ADAM22: variants seen among roughly 807,000 people sequenced by gnomAD.
ADAM22 encodes the protein disintegrin and metalloproteinase domain-containing protein 22.
Under a neutral mutation model 144.6 loss-of-function variants are expected in ADAM22, and 65 were observed. The observed-to-expected ratio is 0.45, with a 90% CI of 0.37 to 0.55. ADAM22 has a LOEUF of 0.55. ADAM22 is among the 20% of genes least tolerant of loss of function. The pLI is 0.00. For missense variants in ADAM22, 974 were observed against 1,184.9 expected, an observed-to-expected ratio of 0.82 and a Z score of 2.61; for synonymous variants, 391 against 412.6, an observed-to-expected ratio of 0.95 and a Z score of 0.63.
rs1055425999 is a variant in ADAM22 at position 88,023,592 on chromosome 7, G to A, written c.323+45180G>A. ...GAGCCACCACACCTGGCTAATTTTT[G>A]CATTTTTAGTAGAGACTGGGTTTTG... On this transcript the variant is annotated intron_variant, in intron 3 of 31. Coordinates refer to ENST00000413139, the MANE Select transcript of ADAM22 (RefSeq NM_001324418.2). Among the ~76,000 whole-genome samples the A allele has an allele frequency of 6.6e-5, 10 of 151,904 alleles. No homozygotes were observed. The East Asian group carries it at 1.7e-3, about 26-fold the overall frequency.
intron 11 of ADAM22, 26 bp from the exon 12 acceptor site, chr7:88,132,841 G>A: frequency 1.3e-6 from 2 of 1,598,560 alleles, no homozygotes; most frequent in East Asian, 2.2e-5. Flanking sequence ...TGAACAGTAA[G>A]CATTTTTCAT....
At chr7:87,940,900 C>T (rs138113546) in intron 2 of ADAM22, among the ~76,000 whole-genome samples, 188 of 152,272 alleles carry the variant, frequency 1.2e-3, no homozygotes, top group African/African-American at 4.4e-3. Context: ...CAAGATATCA[C>T]CTACTGAGTC....
At chr7:87,950,463 T>G (rs1420827499) in intron 2 of ADAM22, among the ~76,000 whole-genome samples, 2 of 149,134 alleles carry the variant, frequency 1.3e-5, no homozygotes, top group Non-Finnish European at 3.0e-5. Flanking sequence ...ACAAAGGACA[T>G]GAACTCATCA....
chr7:87,976,906 T>G (rs1382785408), intron 2 of ADAM22, among the ~76,000 whole-genome samples: 2 of 151,568 alleles, frequency 1.3e-5, no homozygotes, highest in East Asian at 1.9e-4. Context: ...AATCTAGGGC[T>G]TACATTTGGG....
intron 2 of ADAM22, among the ~76,000 whole-genome samples, chr7:87,955,852 T>A (rs1436235570): frequency 1.3e-5 from 2 of 152,092 alleles, no homozygotes; most frequent in East Asian, 1.9e-4. Context: ...TCCCCCAGCC[T>A]CGCTGCTGCC....
chr7:88,152,379 T>A (rs1480297588), intron 20 of ADAM22, among the ~76,000 whole-genome samples: 2 of 152,168 alleles, frequency 1.3e-5, no homozygotes, highest in Non-Finnish European at 2.9e-5. Context: ...AAGATACTGA[T>A]ATACCTTAAA....
At position 87,935,137 on chromosome 7, in the gene ADAM22, G is replaced by C. The variant is rs1021648615; in HGVS notation, c.197G>C (p.Arg66Pro). The C allele has an allele frequency of 1.2e-6, 2 of 1,613,208 alleles. No individual in the cohort carries two copies. The highest frequency in any genetic ancestry group is 1.7e-5 in the Admixed American group (1 of 59,986). Residue 66 changes from arginine (R) to proline (P), a missense_variant, in exon 2 of 32, where the codon CGG becomes CCG. Transcript: ENST00000413139. ...IYRSGGEDES[R>P]HDALDTRVRG... The stretch of plus-strand genomic sequence containing the variant: ...CGCTCGGGCGGCGAAGACGAAAGTC[G>C]GCACGACGCGCTCGACACGCGGGTG...
At chr7:87,948,435 C>T (rs947497334) in intron 2 of ADAM22, among the ~76,000 whole-genome samples, 1 of 152,106 alleles carries the variant, frequency 6.6e-6, no homozygotes, top group African/African-American at 2.4e-5. Flanking sequence ...CATTCATTCT[C>T]CTCTGTGGAT....
At chr7:87,959,341 G>T (rs1209428207) in intron 2 of ADAM22, among the ~76,000 whole-genome samples, 1 of 152,108 alleles carries the variant, frequency 6.6e-6, no homozygotes, top group African/African-American at 2.4e-5. Context: ...TGGGCGTTTG[G>T]CATATAGTAA....
chr7:88,055,989 A>G (rs898370998), intron 3 of ADAM22, among the ~76,000 whole-genome samples: 3 of 152,296 alleles, frequency 2.0e-5, no homozygotes, highest in Non-Finnish European at 1.5e-5. Context: ...ACCATTATTC[A>G]TGTCTCAGGA....
At chr7:88,012,667 G>A (rs1335720060) in intron 3 of ADAM22, among the ~76,000 whole-genome samples, 1 of 152,136 alleles carries the variant, frequency 6.6e-6, no homozygotes, top group Non-Finnish European at 1.5e-5. Flanking sequence ...GAGCCCTAGA[G>A]CCCTGTTCAT....
At chr7:87,956,306 A>G (rs150320107) in intron 2 of ADAM22, among the ~76,000 whole-genome samples, 279 of 152,282 alleles carry the variant, frequency 1.8e-3, no homozygotes, top group African/African-American at 6.6e-3. Flanking sequence ...ACCAGATGAA[A>G]AAGTGAGGAC....
At chr7:88,039,464 A>AAAAAAAAAAAAAAAAAATATATATATAT in intron 3 of ADAM22, among the ~76,000 whole-genome samples, 59 of 76,330 alleles carry the variant, frequency 7.7e-4, no homozygotes, top group African/African-American at 2.7e-3. Flanking sequence ...AAAAAAAAAA[A>AAAAAAAAAAAAAAAAAATATATATATAT]ATATATATAT....
chr7:87,971,260 T>G (rs2129447254), intron 2 of ADAM22, among the ~76,000 whole-genome samples: 2 of 152,318 alleles, frequency 1.3e-5, no homozygotes, highest in South Asian at 4.1e-4. Flanking sequence ...TTCATGATAC[T>G]GAAATAACTT....
At chr7:88,177,899 A>G (rs911089902) in intron 26 of ADAM22, among the ~76,000 whole-genome samples, 1 of 152,218 alleles carries the variant, frequency 6.6e-6, no homozygotes, top group African/African-American at 2.4e-5. Context: ...TTAATTAAGC[A>G]TAGCTTTGTT....
intron 3 of ADAM22, among the ~76,000 whole-genome samples, chr7:88,071,370 C>T (rs1812738421): frequency 6.7e-6 from 1 of 149,460 alleles, no homozygotes; most frequent in Admixed American, 6.7e-5. Flanking sequence ...TGGTTTAATA[C>T]CATACCAGCT....
At chr7:87,989,351 T>C (rs1372506774) in intron 3 of ADAM22, among the ~76,000 whole-genome samples, 1 of 152,154 alleles carries the variant, frequency 6.6e-6, no homozygotes, top group African/African-American at 2.4e-5. Flanking sequence ...TTAGTATTTT[T>C]TAGATATTTA....
At chr7:88,021,244 C>T (rs1013820545) in intron 3 of ADAM22, among the ~76,000 whole-genome samples, 3 of 152,154 alleles carry the variant, frequency 2.0e-5, no homozygotes, top group Non-Finnish European at 4.4e-5. Context: ...AGGCTCTTTC[C>T]TACCTTGGCA....
At chr7:87,963,616 C>T (rs1300007739) in intron 2 of ADAM22, among the ~76,000 whole-genome samples, 4 of 152,034 alleles carry the variant, frequency 2.6e-5, no homozygotes, top group Non-Finnish European at 4.4e-5. Context: ...TTACAGAGTC[C>T]GATTTATTCA....
Sources: gnomAD v4.1 joint callset for allele counts (sites outside exome capture counted in the v4.1 genomes callset) on GRCh38, gnomAD v4.1.1 for gene constraint, MANE v1.5 for transcripts, NCBI Gene and HGNC (gene_info 2026-07-23, HGNC 2026-07-21) for gene names.